Variants in RUNDC3B observed in about 807,000 individuals in gnomAD.
The protein encoded by RUNDC3B is RUN domain-containing protein 3B.
RUNDC3B carries 33 observed loss-of-function variants against 58.4 expected under a neutral mutation model. The ratio of observed to expected loss-of-function variants is 0.56; its 90% confidence interval spans 0.43 to 0.75. The LOEUF is 0.75. RUNDC3B is among the 30% of genes least tolerant of loss of function. RUNDC3B has a pLI of 0.00. For synonymous variants in RUNDC3B, 193 were observed against 195.2 expected (o/e 0.99, Z 0.10); for missense variants, 501 against 535.7 (o/e 0.94, Z 0.64).
intron 2 of RUNDC3B, among the ~76,000 whole-genome samples, chr7:87,681,041 G>A (rs1449451642): frequency 6.7e-6 from 1 of 150,298 alleles, no homozygotes; most frequent in South Asian, 2.1e-4. Flanking sequence ...ATGAAAGAGG[G>A]CATATGACTA....
intron 1 of RUNDC3B, among the ~76,000 whole-genome samples, chr7:87,636,573 C>T (rs1821797367): frequency 6.6e-6 from 1 of 151,962 alleles, no homozygotes; most frequent in Non-Finnish European, 1.5e-5. Context: ...GTAAAATGGC[C>T]CATAAATTTC....
intron 1 of RUNDC3B, among the ~76,000 whole-genome samples, chr7:87,647,472 A>G (rs1823124915): frequency 6.6e-6 from 1 of 152,224 alleles, no homozygotes; most frequent in Non-Finnish European, 1.5e-5. Context: ...GATATTTGCA[A>G]ACATGTAAAC....
intron 4 of RUNDC3B, among the ~76,000 whole-genome samples, chr7:87,713,985 C>A (rs540971680): frequency 6.6e-6 from 1 of 152,028 alleles, no homozygotes; most frequent in Non-Finnish European, 1.5e-5. Flanking sequence ...TGTTTTAGCA[C>A]AAATTGAAGG....
chr7:87,720,546 G>A (rs1453339369), intron 4 of RUNDC3B, among the ~76,000 whole-genome samples: 4 of 142,242 alleles, frequency 2.8e-5, no homozygotes, highest in East Asian at 2.1e-4. Context: ...GGATATATGT[G>A]TGTGTGTGTG....
At chr7:87,773,658 C>CTTGTTTTGTT (rs10699526) in intron 7 of RUNDC3B, among the ~76,000 whole-genome samples, 17,307 of 147,222 alleles carry the variant, frequency 0.12, 1,144 homozygotes, top group Admixed American at 0.19. Flanking sequence ...TTTGTCTTGT[C>CTTGTTTTGTT]TTGTTTTGTT....
intron 6 of RUNDC3B, 56 bp downstream of exon 6, chr7:87,741,635 G>A: frequency 9.9e-7 from 1 of 1,006,836 alleles, no homozygotes; most frequent in South Asian, 1.5e-5. Flanking sequence ...TGAATGTCTT[G>A]TGCAATGTTT....
Position 87,807,532 on chromosome 7 carries a change from C to T in RUNDC3B, c.1103+13C>T. The T allele has an allele frequency of 1.2e-6, 2 of 1,602,774 alleles. No individual in the cohort carries two copies. The highest frequency in any genetic ancestry group is 1.7e-6 in the Non-Finnish European group (2 of 1,170,190). On this transcript the variant is annotated intron_variant, in intron 9 of 10. Coordinates refer to ENST00000394654, the MANE Select transcript of RUNDC3B (RefSeq NM_001134405.2). ...AACAGTGGTATGAGTAAGTGTAATA[C>T]TTTTTTTTCCAACTAATTAATAGTT...
At chr7:87,735,027 C>G (rs1006257880) in intron 4 of RUNDC3B, among the ~76,000 whole-genome samples, 1 of 152,106 alleles carries the variant, frequency 6.6e-6, no homozygotes, top group Non-Finnish European at 1.5e-5. Context: ...TTCGTCCATT[C>G]CCCTGGCTTG....
At chr7:87,669,812 G>C (rs1825653432) in intron 2 of RUNDC3B, among the ~76,000 whole-genome samples, 3 of 152,110 alleles carry the variant, frequency 2.0e-5, no homozygotes, top group Admixed American at 1.3e-4. Flanking sequence ...ATCTCTTCTG[G>C]CTTGTAGGGT....
chr7:87,742,277 G>T lies in RUNDC3B; in HGVS notation c.629+698G>T, dbSNP rs914948078. Among the ~76,000 whole-genome samples the T allele has an allele frequency of 3.3e-5, 5 of 152,182 alleles. 1 individual carries two copies. The Middle Eastern group carries it at 0.01, about 313-fold the overall frequency. Reference sequence around the variant, plus strand: ...GATTACATGAGTAAGTTCTTCAGTGGTGATTTGTGAGATTTTGGAACACCC... The same window carrying T: ...GATTACATGAGTAAGTTCTTCAGTGTTGATTTGTGAGATTTTGGAACACCC... On this transcript the variant is annotated intron_variant, in intron 6 of 10. Coordinates refer to ENST00000394654, the MANE Select transcript of RUNDC3B (RefSeq NM_001134405.2).
At chr7:87,729,502 A>G (rs1432846294) in intron 4 of RUNDC3B, among the ~76,000 whole-genome samples, 1 of 152,218 alleles carries the variant, frequency 6.6e-6, no homozygotes. Flanking sequence ...AACACAGGGC[A>G]TAACTCAGCC....
intron 10 of RUNDC3B, among the ~76,000 whole-genome samples, chr7:87,826,961 A>AT (rs1249321766): frequency 1.3e-5 from 2 of 152,158 alleles, no homozygotes; most frequent in Non-Finnish European, 2.9e-5. Context: ...TTCCTAAATA[A>AT]TTTTTTTAAA....
intron 6 of RUNDC3B, among the ~76,000 whole-genome samples, chr7:87,754,131 A>G (rs997537347): frequency 2.0e-5 from 3 of 152,218 alleles, no homozygotes; most frequent in African/African-American, 4.8e-5. Flanking sequence ...AAATAACAGA[A>G]TATACATTCT....
chr7:87,659,256 TTTAG>T (rs1457567036), intron 2 of RUNDC3B: 27 of 413,180 alleles, frequency 6.5e-5, no homozygotes, highest in Non-Finnish European at 1.2e-4. Flanking sequence ...CCATTTTACT[TTTAG>T]TTTTCTGTTT....
chr7:87,665,577 C>T (rs1183045599), intron 2 of RUNDC3B, among the ~76,000 whole-genome samples: 1 of 152,024 alleles, frequency 6.6e-6, no homozygotes, highest in African/African-American at 2.4e-5. Flanking sequence ...GGTACATGTG[C>T]AGGTTTGTCA....
chr7:87,788,926 G>C (rs2130903009), intron 8 of RUNDC3B, among the ~76,000 whole-genome samples: 1 of 152,246 alleles, frequency 6.6e-6, no homozygotes, highest in South Asian at 2.1e-4. Context: ...TGCCCAAGTA[G>C]TTGAGAATAT....
Position 87,826,283 on chromosome 7 carries a change from GGTTTT to G in RUNDC3B, c.1226-3601_1226-3597del, listed in dbSNP as rs1186187607. Among the ~76,000 whole-genome samples, 11 of 152,130 alleles carry G rather than the reference GGTTTT, an allele frequency of 7.2e-5. No individual in the cohort carries two copies. In the East Asian group the frequency reaches 2.1e-3, roughly 29 times the overall value. On this transcript the variant is annotated intron_variant, in intron 10 of 10. Coordinates refer to ENST00000394654, the MANE Select transcript of RUNDC3B (RefSeq NM_001134405.2). ...GTGAATGAGTCTCACGAAATCTGAT[GGTTTT>G]CAAAAGGGGAGTTTCCCTGCATAAG... is the stretch of plus-strand genomic sequence containing the variant.
intron 2 of RUNDC3B, among the ~76,000 whole-genome samples, chr7:87,657,341 C>T (rs1252220137): frequency 1.3e-5 from 2 of 152,070 alleles, no homozygotes; most frequent in African/African-American, 4.8e-5. Flanking sequence ...GCCAAAGGAC[C>T]AGAGAAAGAA....
chr7:87,649,197 A>T (rs1054737226), intron 1 of RUNDC3B, among the ~76,000 whole-genome samples: 6 of 152,072 alleles, frequency 3.9e-5, no homozygotes, highest in Non-Finnish European at 7.4e-5. Context: ...CCTGATTTTG[A>T]TAGTGGTTAT....
Sources: gnomAD v4.1 joint callset for allele counts (sites outside exome capture counted in the v4.1 genomes callset) on GRCh38, gnomAD v4.1.1 for gene constraint, MANE v1.5 for transcripts, NCBI Gene and HGNC (gene_info 2026-07-23, HGNC 2026-07-21) for gene names.